RYR2: variants seen among roughly 807,000 people sequenced by gnomAD.
RYR2 encodes the protein ryanodine receptor 2, also known as cardiac muscle ryanodine receptor-calcium release channel.
In RYR2, 227 loss-of-function variants were observed where a neutral mutation model predicts 601.1. That is an observed-to-expected ratio of 0.38 (90% confidence interval 0.34 to 0.42). The LOEUF (loss-of-function observed/expected upper bound fraction) is 0.42, where lower values mean the gene tolerates loss of function less well. RYR2 is among the 10% of genes least tolerant of loss of function. The pLI, the probability that RYR2 is intolerant of heterozygous loss-of-function variation, is 1.00. For synonymous variants in RYR2, 2,223 were observed against 2,175.1 expected, an observed-to-expected ratio of 1.02 and a Z score of -0.61; for missense variants, 4,646 against 6,156.5, an observed-to-expected ratio of 0.75 and a Z score of 8.21.
At chr1:237,617,151 G>T (rs185938654) in intron 37 of RYR2, 135 bp from the exon 38 acceptor site, 2 of 816,322 alleles carry the variant, frequency 2.5e-6, no homozygotes, top group African/African-American at 3.5e-5. Flanking sequence ...GCACATTGCT[G>T]CCTATACAAA....
Position 237,085,906 on chromosome 1 carries a change from G to A in RYR2, c.48+43337G>A, listed in dbSNP as rs571194714. Among the ~76,000 whole-genome samples the A allele has an allele frequency of 3.3e-5, 5 of 152,250 alleles. No homozygotes were observed. In the South Asian group the frequency reaches 1.0e-3, roughly 32 times the overall value. ...GAAGCTGGGACCACAGGCGTGTGCC[G>A]CTACGCCTGGCTAATTTTTTGTATT... On this transcript the variant is annotated intron_variant, in intron 1 of 104. Transcript: ENST00000366574.
intron 29 of RYR2, among the ~76,000 whole-genome samples, chr1:237,581,154 A>G (rs1028729772): frequency 5.3e-5 from 8 of 152,186 alleles, no homozygotes; most frequent in Non-Finnish European, 1.2e-4. Context: ...GTCACTTAAA[A>G]TCTTGATGTA....
At chr1:237,709,319 A>G (rs1688632654) in intron 69 of RYR2, among the ~76,000 whole-genome samples, 161 bp from the exon 70 acceptor site, 1 of 152,064 alleles carries the variant, frequency 6.6e-6, no homozygotes, top group South Asian at 2.1e-4. Flanking sequence ...TAACAGTTTG[A>G]CAGTTATGAT....
At chr1:237,795,216 A>AT in intron 95 of RYR2, 73 bp from the exon 96 acceptor site, 1 of 719,016 alleles carries the variant, frequency 1.4e-6, no homozygotes. Context: ...AGTATGCCAT[A>AT]TATCCCAAAT....
In RYR2 at chr1:237,614,539, T is replaced by C. The variant is rs1411508789; in HGVS notation, c.5411T>C (p.Leu1804Pro). 6.2e-7 allele frequency: 1 copy of C among 1,613,938 alleles called. No individual in the cohort carries two copies. The highest frequency in any genetic ancestry group is 1.7e-5 in the Admixed American group (1 of 60,012). Residue 1804 changes from leucine (L) to proline (P), a missense_variant, in exon 37 of 105, where the codon CTT becomes CCT. Leu to Pro is a moderately conservative substitution (Grantham distance 98). This residue lies in a region of RYR2 where 1,807 missense variants were observed against 2,088.1 expected (regional missense o/e 0.87). Coordinates refer to ENST00000366574, the MANE Select transcript of RYR2 (RefSeq NM_001035.3). The surrounding 1 kb of genome is among the most constrained non-coding windows in gnomAD (Gnocchi z 4.3). Reference protein sequence around the residue: ...MLTEAVKEGSLHARDPVGGTT... With the variant: ...MLTEAVKEGSPHARDPVGGTT... ...ACAGAAGCTGTTAAAGAGGGCAGTC[T>C]TCATGCCCGGGACCCAGTTGGAGGG...
chr1:237,223,075 A>G (rs1291868916), intron 1 of RYR2, among the ~76,000 whole-genome samples: 1 of 152,340 alleles, frequency 6.6e-6, no homozygotes, highest in Admixed American at 6.5e-5. Flanking sequence ...GTCTCAAAAC[A>G]AAACAAAACA....
chr1:237,794,328 A>G (rs72632872), intron 95 of RYR2, among the ~76,000 whole-genome samples: 3 of 151,438 alleles, frequency 2.0e-5, no homozygotes, highest in South Asian at 2.1e-4. Flanking sequence ...ATCCAAAAGC[A>G]GAGGCAAAAA....
At chr1:237,278,951 T>C (rs1476057814) in intron 2 of RYR2, among the ~76,000 whole-genome samples, 1 of 152,190 alleles carries the variant, frequency 6.6e-6, no homozygotes, top group African/African-American at 2.4e-5. Flanking sequence ...AATATTTGGG[T>C]TATTCTAGGG....
intron 12 of RYR2, among the ~76,000 whole-genome samples, chr1:237,426,019 T>G (rs1257102608): frequency 6.6e-6 from 1 of 151,860 alleles, no homozygotes; most frequent in African/African-American, 2.4e-5. Context: ...TTACCCTTTA[T>G]TGTACATTTA....
chr1:237,441,475 C>T lies in RYR2; in HGVS notation c.1162C>T (p.Gln388Ter). Residue 388 changes from glutamine to a stop codon, truncating the protein, a stop_gained, in exon 13 of 105, where the codon CAA becomes TAA. Coordinates refer to ENST00000366574, the MANE Select transcript of RYR2 (RefSeq NM_001035.3). LOFTEE classifies it high-confidence loss of function. ...DVKSVRMGSI[Q>*]RKAIMHHEGH... is the part of the protein sequence containing the mutation. ...GAAATCCGTGAGAATGGGATCTATA[C>T]AACGTAAGGTAAGGTGATAGAAAAA... The T allele has an allele frequency of 2.0e-6, 3 of 1,535,674 alleles. No homozygotes were observed. Among genetic ancestry groups the T allele is most frequent in the Non-Finnish European group, 2.6e-6 (3 of 1,136,718 alleles).
At position 237,355,955 on chromosome 1, in the gene RYR2, C is replaced by G. The variant is rs1699258662; in HGVS notation, c.274-10C>G. ...TGTTTGTTATTTATTTTGGCTTTTT[C>G]TTTCCACAGCAAGTTGATGTGGAAA... On this transcript the variant is annotated splice_polypyrimidine_tract_variant and intron_variant, in intron 3 of 104. Coordinates refer to ENST00000366574, the MANE Select transcript of RYR2 (RefSeq NM_001035.3). 6.3e-7 allele frequency: 1 copy of G among 1,599,072 alleles called. No individual in the cohort carries two copies. The highest frequency in any genetic ancestry group is 8.5e-7 in the Non-Finnish European group (1 of 1,172,124).
intron 5 of RYR2, among the ~76,000 whole-genome samples, chr1:237,365,056 GATAT>G (rs1302435938): frequency 4.6e-5 from 7 of 152,142 alleles, no homozygotes; most frequent in Non-Finnish European, 1.0e-4. Context: ...GTTATTTTAG[GATAT>G]ATAATAGAAA....
rs142626977 is a variant in RYR2 at position 237,063,576 on chromosome 1, T to G, written c.48+21007T>G. 2.8e-3 allele frequency among the ~76,000 whole-genome samples: 429 copies of G among 151,976 alleles called. 1 individual carries two copies. The highest frequency in any genetic ancestry group is 9.7e-3 in the African/African-American group (399 of 41,306). ...TTTTGTGCTCTTCTGGCTATGTATT[T>G]TAATTCTACACACACACACACATAC... On this transcript the variant is annotated intron_variant, in intron 1 of 104. Transcript: ENST00000366574.
At chr1:237,184,379 A>G (rs1289018074) in intron 1 of RYR2, among the ~76,000 whole-genome samples, 1 of 152,212 alleles carries the variant, frequency 6.6e-6, no homozygotes, top group Non-Finnish European at 1.5e-5. Context: ...TCTGCTCTAC[A>G]TGGTGCAAGT....
intron 8 of RYR2, among the ~76,000 whole-genome samples, chr1:237,383,091 A>T (rs114429267): frequency 6.6e-6 from 1 of 152,176 alleles, no homozygotes; most frequent in East Asian, 1.9e-4. Context: ...TAAGGGTTCA[A>T]TTGAGAGATT....
chr1:237,441,604 A>G, intron 13 of RYR2, 121 bp downstream of exon 13: 1 of 847,100 alleles, frequency 1.2e-6, no homozygotes, highest in Non-Finnish European at 1.7e-6. Flanking sequence ...TTTGCAAGTG[A>G]AAGGGCAGAT....
Position 237,833,954 on chromosome 1 carries a change from C to T in RYR2, c.*1307C>T, listed in dbSNP as rs16835904. On this transcript the variant is annotated 3_prime_UTR_variant, in exon 105 of 105. Transcript: ENST00000366574. ...ACAAGTCTGCTTGTTAATTTTAGAA[C>T]TGTAAAACCGCTCTGATTAAACTAT... is the stretch of plus-strand genomic sequence containing the variant. The T allele has an allele frequency of 0.16, 25,114 of 152,304 alleles. 3,136 individuals are homozygous for T. The highest frequency in any genetic ancestry group is 0.34 in the African/African-American group (14,020 of 41,496). The allele number at this position is 152,304 out of a possible 1,614,324, so 9.4% of individuals were successfully genotyped here. A position where few individuals can be genotyped will look rare whatever the true frequency, so the allele number is the denominator to read the frequency against.
chr1:237,057,713 A>G (rs1662348214), intron 1 of RYR2, among the ~76,000 whole-genome samples: 1 of 152,142 alleles, frequency 6.6e-6, no homozygotes, highest in African/African-American at 2.4e-5. Flanking sequence ...AGAGACCATA[A>G]TCTAAGGTTG....
rs185267056 is a variant in RYR2, at chr1:237,529,126, A to G, written c.2823-1301A>G. 2.4e-3 allele frequency among the ~76,000 whole-genome samples: 365 copies of G among 152,268 alleles called. 1 individual carries two copies. The highest frequency in any genetic ancestry group is 3.7e-3 in the Non-Finnish European group (255 of 68,012). On this transcript the variant is annotated intron_variant, in intron 24 of 104. Coordinates refer to ENST00000366574, the MANE Select transcript of RYR2 (RefSeq NM_001035.3). Reference sequence around the variant, plus strand: ...TATTTACTGAATGAATAAATAAAGGAATGGAGGGTGCTGGTAAAATCTTCC... The same window carrying G: ...TATTTACTGAATGAATAAATAAAGGGATGGAGGGTGCTGGTAAAATCTTCC...
Sources: gnomAD v4.1 joint callset for allele counts (sites outside exome capture counted in the v4.1 genomes callset) on GRCh38, gnomAD v4.1.1 for gene constraint, gnomAD v4.1.1 regional missense constraint, Gnocchi (gnomAD v3.1) non-coding constraint, MANE v1.5 for transcripts, NCBI Gene and HGNC (gene_info 2026-07-23, HGNC 2026-07-21) for gene names.